The following TCF3 variants were observed in gnomAD, a reference collection of about 807,000 sequenced individuals.
TCF3 encodes the protein transcription factor 3.
In TCF3, 54 loss-of-function variants were observed where a neutral mutation model predicts 72.3. The observed-to-expected ratio is 0.75, with a 90% CI of 0.60 to 0.94. The LOEUF is 0.94. Ranked by LOEUF, TCF3 falls within the 40% of genes least tolerant of loss-of-function variation. TCF3 has a pLI of 0.00. For synonymous variants in TCF3, 525 were observed against 412.6 expected (o/e 1.27, Z -3.30); for missense variants, 1,078 against 934.4 (o/e 1.15, Z -2.00).
chr19:1,635,952 C>A (rs1376989750), intron 3 of TCF3, among the ~76,000 whole-genome samples: 26 of 152,296 alleles, frequency 1.7e-4, no homozygotes, highest in South Asian at 1.5e-3. Flanking sequence ...CAAGCCCGTG[C>A]CTCGCCCCGT....
In TCF3 at chr19:1,649,994, G is replaced by A. The variant is rs1369581746; in HGVS notation, c.72+183C>T. 2.0e-5 allele frequency among the ~76,000 whole-genome samples: 3 copies of A among 152,296 alleles called. No homozygotes were observed. In the East Asian group the frequency reaches 5.8e-4, roughly 29 times the overall value. ...CGGGCAAAAGCCCCATAGCACACGT[G>A]CTGCCGTGCGCTGTCAGCCTCCTGC... On this transcript the variant is annotated intron_variant, in intron 2 of 18. Coordinates refer to ENST00000262965, the MANE Select transcript of TCF3 (RefSeq NM_003200.5).
Position 1,611,475 on chromosome 19 carries a change from G to T in TCF3, c.*232C>A. 2.0e-6 allele frequency: 1 copy of T among 502,712 alleles called. No individual in the cohort carries two copies. The highest frequency in any genetic ancestry group is 3.6e-5 in the South Asian group (1 of 27,692). 31.1% of individuals were successfully genotyped at this position (502,712 alleles called of 1,614,324 possible). A position where few individuals can be genotyped will look rare whatever the true frequency, so the allele number is the denominator to read the frequency against. On this transcript the variant is annotated 3_prime_UTR_variant, in exon 19 of 19. Transcript: ENST00000262965. ...AGTGACACGGTGGCTGAGATTCGGG[G>T]ACAGGGGGAGCGAGGCCAGTGAGTG... is the stretch of plus-strand genomic sequence containing the variant.
rs1394327191 is a variant in TCF3 at position 1,612,599 on chromosome 19, A to G, written c.1823-750T>C. On this transcript the variant is annotated intron_variant, in intron 18 of 18. Coordinates refer to ENST00000262965, the MANE Select transcript of TCF3 (RefSeq NM_003200.5). ...GGCACAGCAGTGTGGGCAGCAGTGC[A>G]GGTACATGGCTTACATTGGTGGGCA... Among the ~76,000 whole-genome samples the G allele has an allele frequency of 2.6e-3, 375 of 142,320 alleles. 3 individuals carry two copies. The highest frequency in any genetic ancestry group is 2.6e-3 in the Non-Finnish European group (172 of 65,582). The allele number at this position is 142,320 out of a possible 152,430, so 93.4% of individuals were successfully genotyped here. A position where few individuals can be genotyped will look rare whatever the true frequency, so the allele number is the denominator to read the frequency against.
chr19:1,633,238 G>A (rs1407481853), intron 3 of TCF3, among the ~76,000 whole-genome samples: 2 of 152,222 alleles, frequency 1.3e-5, no homozygotes, highest in Non-Finnish European at 2.9e-5. Context: ...AGAAGCAGGA[G>A]CGGGCCCTGG....
chr19:1,621,110 A>AC, intron 12 of TCF3, 23 bp downstream of exon 12: 3 of 1,525,894 alleles, frequency 2.0e-6, no homozygotes, highest in East Asian at 2.5e-5. Flanking sequence ...TTGCCTGGCC[A>AC]CCCCCCATGC....
chr19:1,615,499 GTCGTCC>G lies in TCF3; in HGVS notation c.1602_1607del (p.Glu534_Asp535del). 1.2e-6 allele frequency: 2 copies of G among 1,609,678 alleles called. No homozygotes were observed. The highest frequency in any genetic ancestry group is 1.7e-6 in the Non-Finnish European group (2 of 1,179,824). On this transcript the variant is annotated inframe_deletion, in exon 18 of 19. Coordinates refer to ENST00000262965, the MANE Select transcript of TCF3 (RefSeq NM_003200.5). The surrounding 1 kb of genome is among the most constrained non-coding windows in gnomAD (Gnocchi z 7.3). ...CGGCCTTCTGCTCTGGGGGGAGAAG[GTCGTCC>G]TCGTCCTCGTCTGGGCTATGGGGAG...
In TCF3 at chr19:1,650,231, C is replaced by T. The variant is rs761665820; in HGVS notation, c.18G>A (p.Arg6=). 1.9e-6 allele frequency: 3 copies of T among 1,569,128 alleles called. No individual in the cohort carries two copies. The highest frequency in any genetic ancestry group is 1.7e-6 in the Non-Finnish European group (2 of 1,158,114). The change falls in exon 2 of 19, where the codon AGG becomes AGA. Residue 6 remains arginine, a synonymous_variant. Transcript: ENST00000262965. ...CCTTGTCTGTGCCCACAGGCGCCAT[C>T]CTCTGCGGCTGGTTCATTCTCCTGG... MNQPQ[R]MAPVGTDKEL...
At chr19:1,632,816 G>A (rs139055347) in intron 3 of TCF3, among the ~76,000 whole-genome samples, 1 of 152,336 alleles carries the variant, frequency 6.6e-6, no homozygotes, top group African/African-American at 2.4e-5. Context: ...TTCTGACCCT[G>A]TGAGAAAGGC....
chr19:1,622,418 G>GGGGGGGGGGGGAA lies in TCF3; in HGVS notation c.550-4_550-3insTTCCCCCCCCCCC. 1 of 1,449,012 alleles carries GGGGGGGGGGGGAA rather than the reference G, an allele frequency of 6.9e-7. No homozygotes were observed. Among genetic ancestry groups the GGGGGGGGGGGGAA allele is most frequent in the Non-Finnish European group, 9.1e-7 (1 of 1,096,322 alleles). 89.8% of individuals were successfully genotyped at this position (1,449,012 alleles called of 1,614,324 possible). On this transcript the variant is annotated splice_region_variant and splice_polypyrimidine_tract_variant and intron_variant, in intron 8 of 18. Coordinates refer to ENST00000262965, the MANE Select transcript of TCF3 (RefSeq NM_003200.5). ...TCACCTGAGCTGGGTGGGTACACCTGCGGGCGGGTGGGCGGTGGGGGGTGC... is the reference window on the plus strand; with the variant it reads ...TCACCTGAGCTGGGTGGGTACACCTGGGGGGGGGGGGAACGGGCGGGTGGGCGGTGGGGGGTGC...
chr19:1,618,573 C>T (rs1170029891), intron 16 of TCF3, among the ~76,000 whole-genome samples: 2 of 151,176 alleles, frequency 1.3e-5, no homozygotes, highest in Non-Finnish European at 3.0e-5. Flanking sequence ...GGCTGTTCCT[C>T]CCAGGTGCAG....
At chr19:1,641,065 G>A (rs368692808) in intron 3 of TCF3, among the ~76,000 whole-genome samples, 2 of 150,414 alleles carry the variant, frequency 1.3e-5, no homozygotes, top group East Asian at 3.9e-4. Flanking sequence ...CAGGAGAATC[G>A]TTTGAACTCA....
At chr19:1,621,479 C>CTGAGTCCCTCTCTGGGCCTGGGTGGG (rs1390303295) in intron 11 of TCF3, among the ~76,000 whole-genome samples, 9 of 143,688 alleles carry the variant, frequency 6.3e-5, no homozygotes, top group Non-Finnish European at 1.4e-4. Flanking sequence ...GCCTGGGTAA[C>CTGAGTCCCTCTCTGGGCCTGGGTGGG]TGAGTCCCTC....
intron 5 of TCF3, 95 bp from the exon 6 acceptor site, chr19:1,627,521 TA>T: frequency 1.8e-6 from 2 of 1,133,348 alleles, no homozygotes; most frequent in Non-Finnish European, 2.6e-6. Flanking sequence ...AGGCTCTCAG[TA>T]AGTGCACACG....
At chr19:1,619,038 C>T (rs542047993) in intron 16 of TCF3, 73 bp downstream of exon 16, 1 of 1,592,422 alleles carries the variant, frequency 6.3e-7, no homozygotes, top group Non-Finnish European at 8.5e-7. Flanking sequence ...CCCACCCTGA[C>T]CCCCACCACT....
At chr19:1,622,726 C>A (rs1056869448) in intron 8 of TCF3, among the ~76,000 whole-genome samples, 6 of 152,180 alleles carry the variant, frequency 3.9e-5, no homozygotes, top group Admixed American at 1.3e-4. Context: ...CCAGAAAACT[C>A]CTATCGACCC....
In TCF3 at chr19:1,619,352, G is replaced by GT; in HGVS notation, c.1289_1290insA (p.Gly431ArgfsTer44). 1 of 1,584,492 alleles carries GT rather than the reference G, an allele frequency of 6.3e-7. No individual in the cohort carries two copies. The highest frequency in any genetic ancestry group is 8.5e-7 in the Non-Finnish European group (1 of 1,172,098). ...GCCGCCCGCCCAGTGACATGGGGCC[G>GT]GTGAAACCTGAGGCCAGCGCCCCGT... On this transcript the variant is annotated frameshift_variant, in exon 15 of 19. Transcript: ENST00000262965. LOFTEE classifies it high-confidence loss of function.
At chr19:1,642,238 G>A (rs974173829) in intron 3 of TCF3, among the ~76,000 whole-genome samples, 9 of 143,796 alleles carry the variant, frequency 6.3e-5, no homozygotes, top group South Asian at 2.3e-4. Context: ...ACACGCACGC[G>A]CAGACGCACA....
At chr19:1,644,456 G>A (rs187332206) in intron 3 of TCF3, among the ~76,000 whole-genome samples, 6 of 152,270 alleles carry the variant, frequency 3.9e-5, no homozygotes, top group Admixed American at 1.3e-4. Context: ...GCCACATCAC[G>A]TCCCTCAAGG....
At chr19:1,650,046 C>A in intron 2 of TCF3, 131 bp downstream of exon 2, 1 of 913,776 alleles carries the variant, frequency 1.1e-6, no homozygotes, top group East Asian at 2.7e-5. Flanking sequence ...CCCCCAGCCC[C>A]ACCGGGGCCT....
Sources: gnomAD v4.1 joint callset for allele counts (sites outside exome capture counted in the v4.1 genomes callset) on GRCh38, gnomAD v4.1.1 for gene constraint, Gnocchi (gnomAD v3.1) non-coding constraint, MANE v1.5 for transcripts, NCBI Gene and HGNC (gene_info 2026-07-23, HGNC 2026-07-21) for gene names.